GPC5: variants seen among roughly 807,000 people sequenced by gnomAD.
GPC5 encodes glypican-5.
A neutral mutation model predicts 53.9 loss-of-function variants in GPC5; 47 were observed. The ratio of observed to expected loss-of-function variants is 0.87; its 90% CI spans 0.69 to 1.11. The LOEUF is 1.11. Ranked by LOEUF, GPC5 falls within the 50% of genes most tolerant of loss-of-function variation. GPC5 has a pLI of 0.00. For missense variants in GPC5, 748 were observed against 713.1 expected (o/e 1.05, Z -0.56); for synonymous variants, 286 against 263.3 (o/e 1.09, Z -0.84).
At chr13:92,708,679 G>A (rs1360319600) in intron 7 of GPC5, among the ~76,000 whole-genome samples, 3 of 151,142 alleles carry the variant, frequency 2.0e-5, no homozygotes, top group Non-Finnish European at 4.4e-5. Context: ...ACGTAAGGTT[G>A]GGGAGAAGAG....
intron 6 of GPC5, among the ~76,000 whole-genome samples, chr13:91,968,997 T>C (rs2040215566): frequency 6.6e-6 from 1 of 151,944 alleles, no homozygotes; most frequent in Admixed American, 6.6e-5. Flanking sequence ...AGATGGAGTC[T>C]CCACTCTGTC....
intron 1 of GPC5, among the ~76,000 whole-genome samples, chr13:91,444,166 G>T (rs1249297069): frequency 6.6e-6 from 1 of 151,750 alleles, no homozygotes; most frequent in Admixed American, 6.6e-5. Context: ...TTGTGTGATT[G>T]GCTCTTGTGT....
chr13:92,425,179 C>A (rs1204186892), intron 7 of GPC5, among the ~76,000 whole-genome samples: 2 of 151,992 alleles, frequency 1.3e-5, no homozygotes, highest in Admixed American at 1.3e-4. Context: ...TGTATCAGGA[C>A]AACTCAGTCT....
Position 91,702,432 on chromosome 13 carries a change from G to A in GPC5, c.1020+8551G>A, listed in dbSNP as rs2036013032. ...GTACTTTTACAGTTTCAGGTCTTAT[G>A]TTAGTCCAAAATTAATTAACTAGAG... On this transcript the variant is annotated intron_variant, in intron 3 of 7. Coordinates refer to ENST00000377067, the MANE Select transcript of GPC5 (RefSeq NM_004466.6). Among the ~76,000 whole-genome samples, 4 of 152,108 alleles carry A rather than the reference G, an allele frequency of 2.6e-5. No homozygotes were observed. The East Asian group carries it at 7.7e-4, about 29-fold the overall frequency.
chr13:91,945,523 A>G (rs2039966391), intron 6 of GPC5, among the ~76,000 whole-genome samples: 1 of 152,048 alleles, frequency 6.6e-6, no homozygotes, highest in Admixed American at 6.6e-5. Context: ...TTTTATCTTT[A>G]TTCTTATAGT....
At chr13:92,163,200 G>A (rs534624240) in intron 7 of GPC5, among the ~76,000 whole-genome samples, 155 of 152,156 alleles carry the variant, frequency 1.0e-3, no homozygotes, top group African/African-American at 3.4e-3. Context: ...GGTGATTCAC[G>A]CCTGTAATCC....
chr13:91,859,964 C>A (rs2039007939), intron 5 of GPC5, among the ~76,000 whole-genome samples: 1 of 151,918 alleles, frequency 6.6e-6, no homozygotes, highest in Non-Finnish European at 1.5e-5. Flanking sequence ...TTTGTGGGTA[C>A]ATAGTGATGT....
intron 5 of GPC5, among the ~76,000 whole-genome samples, chr13:91,773,665 C>T (rs1186106299): frequency 1.3e-5 from 2 of 151,930 alleles, no homozygotes; most frequent in Admixed American, 1.3e-4. Context: ...ATTATTTGAC[C>T]AAAAGTTCTT....
intron 7 of GPC5, among the ~76,000 whole-genome samples, chr13:92,238,930 T>C (rs1460237968): frequency 6.6e-6 from 1 of 151,924 alleles, no homozygotes; most frequent in African/African-American, 2.4e-5. Context: ...TTTTTATATA[T>C]GGTGTGAGGT....
At chr13:92,326,614 A>G (rs1221439257) in intron 7 of GPC5, among the ~76,000 whole-genome samples, 1 of 152,180 alleles carries the variant, frequency 6.6e-6, no homozygotes, top group East Asian at 1.9e-4. Context: ...TAGGCACTTC[A>G]ATAGGATAAC....
chr13:92,544,811 A>T (rs1882046876), intron 7 of GPC5, among the ~76,000 whole-genome samples: 1 of 152,048 alleles, frequency 6.6e-6, no homozygotes, highest in South Asian at 2.1e-4. Context: ...CATTATTTAG[A>T]TAATTTCTTC....
chr13:92,213,858 T>C (rs542174361), intron 7 of GPC5, among the ~76,000 whole-genome samples: 1 of 152,334 alleles, frequency 6.6e-6, no homozygotes, highest in South Asian at 2.1e-4. Context: ...AAGTGCCTTA[T>C]AAAGAGTATT....
intron 7 of GPC5, among the ~76,000 whole-genome samples, chr13:92,765,966 T>TAAAAA (rs1332175395): frequency 3.3e-5 from 5 of 152,264 alleles, no homozygotes; most frequent in Non-Finnish European, 7.4e-5. Context: ...AAAACCTTTT[T>TAAAAA]AAGGCAGATA....
intron 7 of GPC5, among the ~76,000 whole-genome samples, chr13:92,351,875 A>G (rs1310927391): frequency 3.9e-5 from 6 of 152,228 alleles, no homozygotes; most frequent in Admixed American, 6.5e-5. Context: ...CAAGATGACA[A>G]TAGTGTGAAA....
chr13:91,708,377 C>A (rs888061710), intron 3 of GPC5, among the ~76,000 whole-genome samples: 1 of 151,280 alleles, frequency 6.6e-6, no homozygotes, highest in East Asian at 1.9e-4. Flanking sequence ...AGTCTAATGG[C>A]CTCCTAATTA....
chr13:92,676,094 C>T (rs1379751015), intron 7 of GPC5, among the ~76,000 whole-genome samples: 7 of 152,086 alleles, frequency 4.6e-5, no homozygotes, highest in South Asian at 2.1e-4. Flanking sequence ...TTACTTCCAA[C>T]GACATGCTAT....
At chr13:91,646,082 T>C (rs116547093) in intron 2 of GPC5, among the ~76,000 whole-genome samples, 65 of 152,270 alleles carry the variant, frequency 4.3e-4, no homozygotes, top group African/African-American at 1.6e-3. Flanking sequence ...TAAACATACG[T>C]ATATGAAAGA....
At chr13:92,770,578 A>G (rs1875576860) in intron 7 of GPC5, among the ~76,000 whole-genome samples, 1 of 152,054 alleles carries the variant, frequency 6.6e-6, no homozygotes, top group Non-Finnish European at 1.5e-5. Flanking sequence ...TATGTTTTAC[A>G]TTTGCCCCAT....
chr13:92,235,166 T>C (rs983805247), intron 7 of GPC5, among the ~76,000 whole-genome samples: 1 of 152,150 alleles, frequency 6.6e-6, no homozygotes, highest in African/African-American at 2.4e-5. Context: ...AAGGTTATTA[T>C]TTTACTTACT....
Sources: gnomAD v4.1 joint callset for allele counts (sites outside exome capture counted in the v4.1 genomes callset) on GRCh38, gnomAD v4.1.1 for gene constraint, MANE v1.5 for transcripts, NCBI Gene and HGNC (gene_info 2026-07-23, HGNC 2026-07-21) for gene names.